The following CEP170 variants were observed in gnomAD, a reference collection of about 807,000 sequenced individuals.
CEP170 encodes the protein centrosomal protein 170.
A neutral mutation model predicts 151.9 loss-of-function variants in CEP170; 21 were observed. The ratio of observed to expected loss-of-function variants is 0.14; its 90% CI spans 0.10 to 0.20. CEP170 has a LOEUF of 0.20. Among genes scored for constraint, CEP170 ranks in the 10% least tolerant of loss-of-function variants. The probability of loss-of-function intolerance (pLI) is 1.00; values close to 1 mark genes in which losing one functional copy is unlikely to be tolerated. For synonymous variants in CEP170, 356 were observed against 648.8 expected, an observed-to-expected ratio of 0.55 and a Z score of 6.86; for missense variants, 964 against 1,892.9, an observed-to-expected ratio of 0.51 and a Z score of 9.11.
Position 243,164,884 on chromosome 1 carries a change from C to T in CEP170, c.3076G>A (p.Asp1026Asn), listed in dbSNP as rs1398579984. The T allele has an allele frequency of 2.5e-6, 4 of 1,613,768 alleles. No individual in the cohort carries two copies. Among genetic ancestry groups the T allele is most frequent in the Non-Finnish European group, 3.4e-6 (4 of 1,179,714 alleles). Residue 1026 changes from aspartate (D) to asparagine (N), a missense_variant, in exon 13 of 20, where the codon GAC becomes AAC. Transcript: ENST00000366542. ...RQPSVDLTDD[D>N]QTSSVPHSAI... is the part of the protein sequence containing the mutation. ...GAATGAGGTACACTAGAGGTTTGGTCATCATCTGTTAAGTCTACTGAGGGC... is the reference window on the plus strand; with the variant it reads ...GAATGAGGTACACTAGAGGTTTGGTTATCATCTGTTAAGTCTACTGAGGGC...
intron 3 of CEP170, among the ~76,000 whole-genome samples, chr1:243,214,903 C>G (rs1217614625): frequency 6.6e-6 from 1 of 151,848 alleles, no homozygotes; most frequent in East Asian, 1.9e-4. Flanking sequence ...ATTATTTGTA[C>G]AATATTTTTT....
chr1:243,241,397 A>T (rs2064820404), intron 1 of CEP170, among the ~76,000 whole-genome samples: 1 of 152,262 alleles, frequency 6.6e-6, no homozygotes, highest in African/African-American at 2.4e-5. Context: ...TTGTGAATTA[A>T]AACATGATAA....
intron 12 of CEP170, chr1:243,169,238 A>C (rs2058657361): frequency 6.5e-6 from 1 of 154,478 alleles, no homozygotes; most frequent in South Asian, 2.0e-4. Context: ...ATTTACAACT[A>C]AAATGAAAAG....
In CEP170 at chr1:243,186,338, T is replaced by G; in HGVS notation, c.1193A>C (p.Glu398Ala). The change falls in exon 9 of 20, where the codon GAA becomes GCA. Residue 398 changes from glutamate (E) to alanine (A), a missense_variant. Coordinates refer to ENST00000366542, the MANE Select transcript of CEP170 (RefSeq NM_014812.3). Reference sequence around the variant, plus strand: ...TTCTGAATGGTGGCGTCTTAAGTGTTCCTCAAGAGTTGCACGTTTGCTACA... The same window carrying G: ...TTCTGAATGGTGGCGTCTTAAGTGTGCCTCAAGAGTTGCACGTTTGCTACA... ...RRCSKRATLE[E>A]HLRRHHSEHK... 1 of 1,613,782 alleles carries G rather than the reference T, an allele frequency of 6.2e-7. No individual in the cohort carries two copies. The highest frequency in any genetic ancestry group is 8.5e-7 in the Non-Finnish European group (1 of 1,179,704).
chr1:243,185,813 C>T lies in CEP170; in HGVS notation c.1532G>A (p.Ser511Asn), dbSNP rs772505184. The stretch of plus-strand genomic sequence containing the variant: ...CATTTTTCTTGCTTCCACTTCCTCA[C>T]TGTTGGGATTCTCTAACTCAATGGT... ...TYTIELENPNSEEVEARKMID... is the reference protein window; with the variant it reads ...TYTIELENPNNEEVEARKMID... The change falls in exon 10 of 20, where the codon AGT (serine) becomes AAT (asparagine). Residue 511 changes from serine to asparagine, a missense_variant. By Grantham distance (46) the Ser-to-Asn change is conservative. Coordinates refer to ENST00000366542, the MANE Select transcript of CEP170 (RefSeq NM_014812.3). The surrounding 1 kb of genome is among the most constrained non-coding windows in gnomAD (Gnocchi z 4.9). 1.9e-6 allele frequency: 3 copies of T among 1,599,532 alleles called. No homozygotes were observed.
intron 1 of CEP170, among the ~76,000 whole-genome samples, chr1:243,234,576 C>T (rs2064092647): frequency 6.6e-6 from 1 of 152,090 alleles, no homozygotes; most frequent in African/African-American, 2.4e-5. Context: ...TGTAATTATG[C>T]CATGTCTTTT....
chr1:243,183,622 T>C (rs572510264), intron 10 of CEP170, among the ~76,000 whole-genome samples: 9 of 152,188 alleles, frequency 5.9e-5, no homozygotes, highest in Non-Finnish European at 1.2e-4. Flanking sequence ...TTCAAGCTAA[T>C]GGAATCTTAG....
At chr1:243,158,444 T>A (rs944051241) in intron 13 of CEP170, among the ~76,000 whole-genome samples, 3 of 152,096 alleles carry the variant, frequency 2.0e-5, no homozygotes, top group Non-Finnish European at 2.9e-5. Flanking sequence ...AAAACGTAAG[T>A]ATGATAAAAC....
intron 16 of CEP170, among the ~76,000 whole-genome samples, chr1:243,139,343 C>T (rs2055544072): frequency 6.6e-6 from 1 of 152,150 alleles, no homozygotes; most frequent in Non-Finnish European, 1.5e-5. Flanking sequence ...CTCAGGTGAT[C>T]TGCCCGCCTC....
chr1:243,169,607 TGAAA>T lies in CEP170; in HGVS notation c.1843+17_1843+20del. 1.9e-6 allele frequency: 3 copies of T among 1,555,332 alleles called. No individual in the cohort carries two copies. The highest frequency in any genetic ancestry group is 2.4e-5 in the South Asian group (2 of 83,436). On this transcript the variant is annotated intron_variant, in intron 12 of 19. Coordinates refer to ENST00000366542, the MANE Select transcript of CEP170 (RefSeq NM_014812.3). ...AAGAGAAGAAAAAAGGGATAAAGAA[TGAAA>T]GAGAGAAAGAGAATACCATTCTCTA...
At chr1:243,211,821 TA>T (rs1419652842) in intron 4 of CEP170, 64 bp downstream of exon 4, 1 of 1,540,442 alleles carries the variant, frequency 6.5e-7, no homozygotes, top group African/African-American at 1.4e-5. Context: ...TTAAAAATGT[TA>T]ACTTAAACCA....
intron 14 of CEP170, among the ~76,000 whole-genome samples, chr1:243,146,792 GAAGTC>G (rs760168414): frequency 6.6e-6 from 1 of 152,148 alleles, no homozygotes; most frequent in Non-Finnish European, 1.5e-5. Context: ...GAGGCGGTAA[GAAGTC>G]AAGTTAAAAA....
In CEP170 at chr1:243,124,871, T is replaced by A. The variant is rs1272031250; in HGVS notation, c.*1578A>T. The A allele has an allele frequency of 6.6e-6, 1 of 151,086 alleles. No homozygotes were observed. Among genetic ancestry groups the A allele is most frequent in the Non-Finnish European group, 1.5e-5 (1 of 67,994 alleles). 9.4% of individuals were successfully genotyped at this position (151,086 alleles called of 1,614,324 possible). The stretch of plus-strand genomic sequence containing the variant: ...AATTTAGCTTTACAAGGAGAATAGT[T>A]CATTTACCTTTTTTTTTTTGTATTT... On this transcript the variant is annotated 3_prime_UTR_variant, in exon 20 of 20. Transcript: ENST00000366542.
chr1:243,163,914 A>G (rs2058256086), intron 13 of CEP170, among the ~76,000 whole-genome samples: 1 of 152,242 alleles, frequency 6.6e-6, no homozygotes, highest in Non-Finnish European at 1.5e-5. Flanking sequence ...TGCTTTTAGA[A>G]GCACAATGTT....
At position 243,165,635 on chromosome 1, in the gene CEP170, T is replaced by C. The variant is rs377535570; in HGVS notation, c.2325A>G (p.Lys775=). 2.2e-5 allele frequency: 36 copies of C among 1,613,936 alleles called. No homozygotes were observed. In the Admixed American group the frequency reaches 4.7e-4, roughly 21 times the overall value. ...CTTGTTTAAAAGTTTCCTCCCTACATTTATCTGTCTGACCTGAAACATTTT... is the reference window on the plus strand; with the variant it reads ...CTTGTTTAAAAGTTTCCTCCCTACACTTATCTGTCTGACCTGAAACATTTT... The part of the protein sequence containing the change: ...SSKNVSGQTD[K]CREETFKQES... Residue 775 remains lysine, a synonymous_variant, in exon 13 of 20, where the codon AAA becomes AAG. Transcript: ENST00000366542.
chr1:243,177,590 T>C (rs776023635), intron 10 of CEP170, among the ~76,000 whole-genome samples: 4 of 152,216 alleles, frequency 2.6e-5, no homozygotes, highest in Non-Finnish European at 4.4e-5. Context: ...GAGGTTCCCA[T>C]GGCCCATGAA....
At chr1:243,183,867 C>G (rs1269384011) in intron 10 of CEP170, among the ~76,000 whole-genome samples, 7 of 152,162 alleles carry the variant, frequency 4.6e-5, no homozygotes, top group African/African-American at 1.7e-4. Flanking sequence ...AAAAATGATG[C>G]TTATGATAAT....
intron 10 of CEP170, among the ~76,000 whole-genome samples, chr1:243,177,957 G>T (rs1311681199): frequency 6.6e-6 from 1 of 152,110 alleles, no homozygotes; most frequent in Admixed American, 6.5e-5. Context: ...AAGGAAGAAA[G>T]AACACAATTA....
intron 14 of CEP170, among the ~76,000 whole-genome samples, chr1:243,152,424 T>C (rs2993400): frequency 0.027 from 4,168 of 151,610 alleles, 195 homozygotes; most frequent in African/African-American, 0.095. Context: ...GGTTTCACCA[T>C]GTTAGCCAAG....
Sources: gnomAD v4.1 joint callset for allele counts (sites outside exome capture counted in the v4.1 genomes callset) on GRCh38, gnomAD v4.1.1 for gene constraint, Gnocchi (gnomAD v3.1) non-coding constraint, MANE v1.5 for transcripts, NCBI Gene and HGNC (gene_info 2026-07-23, HGNC 2026-07-21) for gene names.